The following CELF2 variants were observed in gnomAD, a reference collection of about 807,000 sequenced individuals.
CELF2 encodes CUGBP Elav-like family member 2.
In CELF2, 8 loss-of-function variants were observed where a neutral mutation model predicts 62.6. That is an observed-to-expected ratio of 0.13 (90% CI 0.07 to 0.23). CELF2 has a LOEUF of 0.23. Among genes scored for constraint, CELF2 ranks in the 10% least tolerant of loss-of-function variants. The probability of loss-of-function intolerance (pLI) is 1.00; values close to 1 mark genes in which losing one functional copy is unlikely to be tolerated. For synonymous variants in CELF2, 258 were observed against 250.0 expected, an observed-to-expected ratio of 1.03 and a Z score of -0.30; for missense variants, 333 against 671.0, an observed-to-expected ratio of 0.50 and a Z score of 5.56.
chr10:10,783,808 A>G, the CELF2 span, among the ~76,000 whole-genome samples: 26 of 152,184 alleles, frequency 1.7e-4, no homozygotes, highest in South Asian at 5.2e-3. Flanking sequence ...ACATGGTGAA[A>G]CCTTGTCTCT....
chr10:10,716,042 A>T, the CELF2 span, among the ~76,000 whole-genome samples: 1 of 152,214 alleles, frequency 6.6e-6, no homozygotes, highest in South Asian at 2.1e-4. Context: ...TTCTATTTGA[A>T]CATCAATGGA....
In CELF2 at chr10:11,329,175, G is replaced by GTTA. The variant is rs1171301774; in HGVS notation, c.*125_*127dup. On this transcript the variant is annotated 3_prime_UTR_variant, in exon 13 of 13. Coordinates refer to ENST00000633077, the MANE Select transcript of CELF2 (RefSeq NM_001326342.2). This position sits in a 1 kb window ranked among gnomAD's most constrained non-coding sequence, Gnocchi z 5.5. ...TTGCCAACTTTTACCAAGAGAGACG[G>GTTA]TTATTTTTACAATAAGGCCTCCATG... 5 of 1,097,152 alleles carry GTTA rather than the reference G, an allele frequency of 4.6e-6. No individual in the cohort carries two copies. Among genetic ancestry groups the GTTA allele is most frequent in the Non-Finnish European group, 5.1e-6 (4 of 790,366 alleles). 68.0% of individuals were successfully genotyped at this position (1,097,152 alleles called of 1,614,324 possible).
intron 1 of CELF2, among the ~76,000 whole-genome samples, chr10:11,023,110 T>C (rs871442): frequency 1.3e-3 from 196 of 152,328 alleles, no homozygotes; most frequent in African/African-American, 4.4e-3. Flanking sequence ...CATTTTCGCT[T>C]TTTGTTTTCG....
At chr10:10,479,371 G>T in the CELF2 span, among the ~76,000 whole-genome samples, 1 of 152,112 alleles carries the variant, frequency 6.6e-6, no homozygotes, top group African/African-American at 2.4e-5. Context: ...GTTTCACCAT[G>T]TTGGCCAGGA....
At chr10:11,113,503 C>T (rs752666550) in intron 1 of CELF2, among the ~76,000 whole-genome samples, 2 of 152,172 alleles carry the variant, frequency 1.3e-5, no homozygotes, top group African/African-American at 4.8e-5. Flanking sequence ...ACTTTTCTCA[C>T]TAATTAAAGC....
intron 1 of CELF2, among the ~76,000 whole-genome samples, chr10:11,147,903 C>T (rs899677281): frequency 2.6e-5 from 4 of 152,244 alleles, no homozygotes; most frequent in African/African-American, 9.6e-5. Context: ...GCAAGATTTC[C>T]TTCCTCCCAG....
Position 10,938,872 on chromosome 10 carries a change from T to C in CELF2, c.89+18873T>C, listed in dbSNP as rs980685143. ...GCTGTCTTTTTCCATCTGCCCTGCC[T>C]CTTGCTAGTTGAAGTCACCCCAGGG... On this transcript the variant is annotated intron_variant, in intron 2 of 13. Coordinates refer to the CELF2 transcript ENST00000636488. This position sits in a 1 kb window ranked among gnomAD's most constrained non-coding sequence, Gnocchi z 4.2. Among the ~76,000 whole-genome samples the C allele has an allele frequency of 6.6e-6, 1 of 152,192 alleles. No individual in the cohort carries two copies. Among genetic ancestry groups the C allele is most frequent in the Admixed American group, 6.5e-5 (1 of 15,284 alleles).
intron 2 of CELF2, among the ~76,000 whole-genome samples, chr10:10,932,858 A>T (rs2066227323): frequency 1.3e-5 from 2 of 152,152 alleles, no homozygotes; most frequent in Admixed American, 1.3e-4. Flanking sequence ...AGTGCAAGGA[A>T]TGTAGAGTGT....
chr10:10,592,156 G>T, the CELF2 span, among the ~76,000 whole-genome samples: 1 of 152,178 alleles, frequency 6.6e-6, no homozygotes, highest in Non-Finnish European at 1.5e-5. Flanking sequence ...AATGCAATTT[G>T]CTTAAAATAA....
At chr10:11,003,989 T>C (rs149455099), upstream of CELF2, among the ~76,000 whole-genome samples, 11 of 152,288 alleles carry the variant, frequency 7.2e-5, no homozygotes, top group East Asian at 1.9e-4. This position sits in a 1 kb window ranked among gnomAD's most constrained non-coding sequence, Gnocchi z 4.4. Flanking sequence ...GTCCAGCTGA[T>C]ACATCATGCA....
chr10:10,648,520 TC>T, the CELF2 span, among the ~76,000 whole-genome samples: 1 of 152,136 alleles, frequency 6.6e-6, no homozygotes, highest in African/African-American at 2.4e-5. Flanking sequence ...AAGTACAATT[TC>T]CCCATCAGCC....
intron 1 of CELF2, among the ~76,000 whole-genome samples, chr10:11,118,884 ATGACCTTTCGCAAGTCACT>A (rs928565865): frequency 6.6e-6 from 1 of 152,196 alleles, no homozygotes; most frequent in African/African-American, 2.4e-5. Flanking sequence ...GACTGCTTGT[ATGACCTTTCGCAAGTCACT>A]TAACTCCTGT....
chr10:11,056,584 T>A (rs1178255199), intron 1 of CELF2, among the ~76,000 whole-genome samples: 1 of 152,174 alleles, frequency 6.6e-6, no homozygotes, highest in Non-Finnish European at 1.5e-5. Context: ...GGGAAGGTAT[T>A]TGAATCGTAT....
chr10:10,853,066 C>T (rs1009815957), intron 1 of CELF2, among the ~76,000 whole-genome samples: 2 of 152,194 alleles, frequency 1.3e-5, no homozygotes, highest in African/African-American at 4.8e-5. Context: ...ACAGCCTCCA[C>T]CTCCTGGGTT....
At chr10:10,746,423 A>C in the CELF2 span, among the ~76,000 whole-genome samples, 2 of 152,358 alleles carry the variant, frequency 1.3e-5, no homozygotes, top group Non-Finnish European at 2.9e-5. Context: ...TGCTATGCCA[A>C]ATAAGCTTAG....
At chr10:10,942,476 C>A (rs540736052) in intron 2 of CELF2, among the ~76,000 whole-genome samples, 7 of 152,334 alleles carry the variant, frequency 4.6e-5, no homozygotes, top group Non-Finnish European at 8.8e-5. Flanking sequence ...CCTGGGACCA[C>A]CCTCACTTCC....
chr10:11,060,633 C>CT (rs563704848), intron 1 of CELF2, among the ~76,000 whole-genome samples: 38 of 152,010 alleles, frequency 2.5e-4, no homozygotes, highest in South Asian at 6.3e-4. Flanking sequence ...CAGATACTGC[C>CT]TTTTTTTTCC....
chr10:10,808,858 T>C (rs561793223), intron 1 of CELF2, among the ~76,000 whole-genome samples: 110 of 152,330 alleles, frequency 7.2e-4, no homozygotes, highest in African/African-American at 2.5e-3. Flanking sequence ...AGAAACATTC[T>C]TATTTTCAGA....
At chr10:10,839,041 G>T (rs1286746841) in intron 1 of CELF2, among the ~76,000 whole-genome samples, 1 of 152,142 alleles carries the variant, frequency 6.6e-6, no homozygotes, top group Non-Finnish European at 1.5e-5. Context: ...AGCTACTCAG[G>T]AGGCTGAAGC....
Sources: allele counts gnomAD v4.1 joint callset (sites outside exome capture counted in the v4.1 genomes callset), GRCh38; gene constraint gnomAD v4.1.1; non-coding constraint Gnocchi (gnomAD v3.1); transcripts MANE v1.5; gene names NCBI Gene and HGNC (gene_info 2026-07-23, HGNC 2026-07-21).